RBKS: variants seen among roughly 807,000 people sequenced by gnomAD.
The protein encoded by RBKS is ribokinase.
A neutral mutation model predicts 33.9 loss-of-function variants in RBKS; 33 were observed. The ratio of observed to expected loss-of-function variants is 0.97; its 90% confidence interval spans 0.74 to 1.30. The LOEUF is 1.30. Ranked by LOEUF, RBKS falls within the 50% of genes most tolerant of loss-of-function variation. The pLI is 0.00. For synonymous variants in RBKS, 125 were observed against 143.0 expected (o/e 0.87, Z 0.90); for missense variants, 361 against 392.6 (o/e 0.92, Z 0.68).
In RBKS at chr2:27,827,603, G is replaced by T; in HGVS notation, c.759C>A (p.His253Gln). 1 of 1,602,964 alleles carries T rather than the reference G, an allele frequency of 6.2e-7. No homozygotes were observed. ...CAGCCTTGACTTTCTCTGTGGGAAT[G>T]TGCTTTGGCTCAGGTTCTGTCTGTG... ...VLSQTEPEPK[H>Q]IPTEKVKAVD... The change falls in exon 7 of 8, where the codon CAC (histidine) becomes CAA (glutamine). Residue 253 changes from histidine to glutamine, a missense_variant. By Grantham distance (24) the His-to-Gln change is conservative. Coordinates refer to ENST00000302188, the MANE Select transcript of RBKS (RefSeq NM_022128.3).
chr2:27,797,398 C>T (rs528798600), intron 7 of RBKS, among the ~76,000 whole-genome samples: 17 of 152,280 alleles, frequency 1.1e-4, no homozygotes, highest in African/African-American at 2.9e-4. Flanking sequence ...CTTTATTTTA[C>T]GCTGAGGAAA....
intron 5 of RBKS, among the ~76,000 whole-genome samples, chr2:27,840,354 ACGCGCGCGCG>A (rs1287898321): frequency 2.3e-4 from 25 of 108,300 alleles, no homozygotes; most frequent in African/African-American, 5.2e-4. Flanking sequence ...ACACACACAC[ACGCGCGCGCG>A]CACACACACA....
chr2:27,840,983 A>G (rs1041106148), intron 5 of RBKS, among the ~76,000 whole-genome samples: 7 of 152,188 alleles, frequency 4.6e-5, no homozygotes, highest in Admixed American at 6.5e-5. Flanking sequence ...CTATTATTAT[A>G]TAAGGAAGTT....
At chr2:27,840,378 A>ACACACG (rs1663465760) in intron 5 of RBKS, among the ~76,000 whole-genome samples, 1 of 150,682 alleles carries the variant, frequency 6.6e-6, no homozygotes, top group Admixed American at 6.6e-5. Context: ...ACACACACAC[A>ACACACG]CACACACACA....
At chr2:27,840,654 T>C (rs1191467967) in intron 5 of RBKS, among the ~76,000 whole-genome samples, 1 of 152,118 alleles carries the variant, frequency 6.6e-6, no homozygotes, top group Admixed American at 6.5e-5. Context: ...GTGTTAAAAT[T>C]TATGGACTTG....
At chr2:27,853,490 C>T (rs1375206682) in intron 2 of RBKS, among the ~76,000 whole-genome samples, 1 of 151,652 alleles carries the variant, frequency 6.6e-6, no homozygotes, top group Non-Finnish European at 1.5e-5. Context: ...AAAACCTTGT[C>T]TACAAAAAAT....
chr2:27,845,261 C>T (rs139848151), intron 4 of RBKS, among the ~76,000 whole-genome samples: 225 of 152,344 alleles, frequency 1.5e-3, no homozygotes, highest in African/African-American at 5.4e-3. Context: ...CTAGCTTATT[C>T]ATGCCTCAAA....
chr2:27,830,726 T>G (rs1451286484), intron 6 of RBKS, among the ~76,000 whole-genome samples: 1 of 152,210 alleles, frequency 6.6e-6, no homozygotes, highest in Non-Finnish European at 1.5e-5. Context: ...AAGATAACTG[T>G]ATTAACCTAT....
intron 7 of RBKS, among the ~76,000 whole-genome samples, chr2:27,823,952 T>C (rs1678264981): frequency 6.6e-6 from 1 of 152,188 alleles, no homozygotes; most frequent in African/African-American, 2.4e-5. Context: ...TGTTCTTTAG[T>C]ATTACCCACA....
At chr2:27,865,570 CCTTTT>C (rs1281608370) in intron 1 of RBKS, among the ~76,000 whole-genome samples, 4 of 118,436 alleles carry the variant, frequency 3.4e-5, no homozygotes, top group Non-Finnish European at 5.0e-5. Flanking sequence ...TTCTCCTCCT[CCTTTT>C]TTTTTTTTTT....
At chr2:27,883,138 T>C (rs1664451936) in intron 1 of RBKS, among the ~76,000 whole-genome samples, 1 of 151,888 alleles carries the variant, frequency 6.6e-6, no homozygotes, top group African/African-American at 2.4e-5. Flanking sequence ...TATTCTGTTA[T>C]GGCAGCACAA....
At chr2:27,821,917 G>A (rs760947230) in intron 7 of RBKS, among the ~76,000 whole-genome samples, 3 of 152,202 alleles carry the variant, frequency 2.0e-5, no homozygotes, top group Non-Finnish European at 4.4e-5. Context: ...AGTGTTGCCA[G>A]TAAACAGTAA....
intron 7 of RBKS, among the ~76,000 whole-genome samples, chr2:27,816,455 T>C (rs895425552): frequency 6.6e-6 from 1 of 152,200 alleles, no homozygotes; most frequent in African/African-American, 2.4e-5. Context: ...ACTAACATCA[T>C]TTCTAAGGTT....
chr2:27,815,628 C>T (rs1049431235), intron 7 of RBKS, among the ~76,000 whole-genome samples: 3 of 152,140 alleles, frequency 2.0e-5, no homozygotes, highest in African/African-American at 7.2e-5. Flanking sequence ...TTACAACACC[C>T]TAGGAAGATG....
chr2:27,805,690 T>G (rs1483662533), intron 7 of RBKS, among the ~76,000 whole-genome samples: 6 of 152,070 alleles, frequency 3.9e-5, no homozygotes, highest in African/African-American at 1.4e-4. Flanking sequence ...TTCTCCTGCC[T>G]CAGCCTCCCG....
At chr2:27,799,693 A>G (rs1263641110) in intron 7 of RBKS, among the ~76,000 whole-genome samples, 1 of 152,236 alleles carries the variant, frequency 6.6e-6, no homozygotes, top group African/African-American at 2.4e-5. Flanking sequence ...TCCCACCACC[A>G]TACTGGGGCC....
At chr2:27,784,696 C>T (rs1037900039) in intron 7 of RBKS, among the ~76,000 whole-genome samples, 1 of 152,182 alleles carries the variant, frequency 6.6e-6, no homozygotes, top group Non-Finnish European at 1.5e-5. Flanking sequence ...AGGAGAATGA[C>T]ATTTCCCCTT....
intron 1 of RBKS, among the ~76,000 whole-genome samples, chr2:27,864,688 G>T (rs555783624): frequency 6.6e-6 from 1 of 152,106 alleles, no homozygotes; most frequent in African/African-American, 2.4e-5. Context: ...AAAAAAACCA[G>T]GTTTTTGAAT....
At chr2:27,805,745 T>C (rs1436882765) in intron 7 of RBKS, among the ~76,000 whole-genome samples, 1 of 151,886 alleles carries the variant, frequency 6.6e-6, no homozygotes, top group Non-Finnish European at 1.5e-5. Flanking sequence ...TGGGAAATTT[T>C]TGTATTTTTA....
Sources: allele counts gnomAD v4.1 joint callset (sites outside exome capture counted in the v4.1 genomes callset), GRCh38; gene constraint gnomAD v4.1.1; transcripts MANE v1.5; gene names NCBI Gene and HGNC (gene_info 2026-07-23, HGNC 2026-07-21).